The following VPS51 variants were observed in gnomAD, a reference collection of about 807,000 sequenced individuals.
VPS51 encodes the protein VPS51 subunit of GARP complex.
In VPS51, 55 loss-of-function variants were observed where a neutral mutation model predicts 65.1. That is an observed-to-expected ratio of 0.84 (90% CI 0.68 to 1.06). The LOEUF is 1.06. Among genes scored for constraint, VPS51 ranks in the 50% least tolerant of loss-of-function variants. The probability of loss-of-function intolerance (pLI) is 0.00; values close to 1 mark genes in which losing one functional copy is unlikely to be tolerated. For synonymous variants in VPS51, 473 were observed against 489.5 expected (o/e 0.97, Z 0.44); for missense variants, 943 against 1,101.6 (o/e 0.86, Z 2.04).
At position 65,108,205 on chromosome 11, in the gene VPS51, G is replaced by T. The variant is rs777904590; in HGVS notation, c.734G>T (p.Gly245Val). 6.2e-7 allele frequency: 1 copy of T among 1,600,186 alleles called. No homozygotes were observed. Among genetic ancestry groups the T allele is most frequent in the South Asian group, 1.1e-5 (1 of 89,812 alleles). Residue 245 changes from glycine (G) to valine (V), a missense_variant, in exon 5 of 10, where the codon GGC becomes GTC. By Grantham distance (109) the Gly-to-Val change is moderately radical. Transcript: ENST00000279281. ...ACCTCTCCCTCGTGCAGGGAGGGCG[G>T]CTCAGGCGCCCCGGAGCAGGCAGAG... Reference protein sequence around the residue: ...QQLRQRFREGGSGAPEQAECV... With the variant: ...QQLRQRFREGVSGAPEQAECV...
chr11:65,099,294 C>T (rs780428959), intron 2 of VPS51, among the ~76,000 whole-genome samples: 7 of 152,172 alleles, frequency 4.6e-5, no homozygotes, highest in African/African-American at 9.6e-5. Context: ...ATGGAGGCAT[C>T]GGCCTCAGCA....
In VPS51 at chr11:65,097,021, C is replaced by T; in HGVS notation, c.252C>T (p.Ala84=). The change falls in exon 2 of 10, where the codon GCC becomes GCT. Residue 84 remains alanine, a synonymous_variant. Coordinates refer to ENST00000279281, the MANE Select transcript of VPS51 (RefSeq NM_013265.4). The part of the protein sequence containing the change: ...LDKLRRECPL[A]QLMDSETDMV... ...AGCTGCGTAGAGAGTGCCCTCTGGCCCAGTTGATGGACAGTGAGACGGACA... is the reference window on the plus strand; with the variant it reads ...AGCTGCGTAGAGAGTGCCCTCTGGCTCAGTTGATGGACAGTGAGACGGACA... The T allele has an allele frequency of 1.2e-6, 2 of 1,613,854 alleles. No individual in the cohort carries two copies. Among genetic ancestry groups the T allele is most frequent in the East Asian group, 2.2e-5 (1 of 44,876 alleles).
In VPS51 at chr11:65,096,373, C is replaced by T. The variant is rs1235296140; in HGVS notation, c.123C>T (p.Tyr41=). Residue 41 remains tyrosine (Y), a synonymous_variant, in exon 1 of 10, where the codon TAC becomes TAT. Coordinates refer to ENST00000279281, the MANE Select transcript of VPS51 (RefSeq NM_013265.4). ...CGCACGGGATGCTGAAGCTTTACTA[C>T]GGCCTCTCGGAAGGGGAGGCGGCGG... The part of the protein sequence containing the change: ...RKAHGMLKLY[Y]GLSEGEAAGR... 1 of 1,533,352 alleles carries T rather than the reference C, an allele frequency of 6.5e-7. No individual in the cohort carries two copies. Among genetic ancestry groups the T allele is most frequent in the Non-Finnish European group, 8.7e-7 (1 of 1,147,828 alleles). 95.0% of individuals were successfully genotyped at this position (1,533,352 alleles called of 1,614,324 possible). A position where few individuals can be genotyped will look rare whatever the true frequency, so the allele number is the denominator to read the frequency against.
chr11:65,111,836 G>C lies in VPS51; in HGVS notation c.*249G>C. On this transcript the variant is annotated 3_prime_UTR_variant, in exon 10 of 10. Transcript: ENST00000279281. ...CTGGGCCCAGCATGGGCAGGGGGCG[G>C]TTCCACTTAAAAACCCTGGGACGAG... is the stretch of plus-strand genomic sequence containing the variant. 1.1e-6 allele frequency: 1 copy of C among 945,904 alleles called. No homozygotes were observed. The highest frequency in any genetic ancestry group is 1.6e-6 in the Non-Finnish European group (1 of 637,596). The allele number at this position is 945,904 out of a possible 1,614,324, so 58.6% of individuals were successfully genotyped here.
intron 2 of VPS51, among the ~76,000 whole-genome samples, chr11:65,101,762 CAAAAAAAAA>C (rs1165429983): frequency 0.054 from 1,430 of 26,296 alleles, 32 homozygotes; most frequent in African/African-American, 0.13. Flanking sequence ...GACCTTGTCT[CAAAAAAAAA>C]AAAAAAAAAA....
intron 1 of VPS51, chr11:65,096,696 T>G (rs1947772541): frequency 1.6e-6 from 1 of 624,632 alleles, no homozygotes. Flanking sequence ...GCATCTGAGG[T>G]CTTCTGGGCT....
chr11:65,109,058 C>A, intron 5 of VPS51, 144 bp downstream of exon 5: 2 of 1,121,656 alleles, frequency 1.8e-6, no homozygotes, highest in Non-Finnish European at 2.6e-6. Flanking sequence ...GTGGGGAAGG[C>A]TCAGGGCATC....
Position 65,111,485 on chromosome 11 carries a change from G to A in VPS51, c.2247G>A (p.Val749=). ...GTTTTGTGGCCGACGAAGAACTCGT[G>A]CACTTGCTGCTGGACGAAGTGGTGG... ...LWRFVADEEL[V]HLLLDEVVAS... The change falls in exon 10 of 10, where the codon GTG becomes GTA. Residue 749 remains valine (V), a synonymous_variant. Coordinates refer to ENST00000279281, the MANE Select transcript of VPS51 (RefSeq NM_013265.4). 6.2e-7 allele frequency: 1 copy of A among 1,613,934 alleles called. No individual in the cohort carries two copies. Among genetic ancestry groups the A allele is most frequent in the Non-Finnish European group, 8.5e-7 (1 of 1,180,046 alleles).
In VPS51 at chr11:65,109,934, G is replaced by C; in HGVS notation, c.1878+11G>C. 1 of 1,581,780 alleles carries C rather than the reference G, an allele frequency of 6.3e-7. No individual in the cohort carries two copies. The highest frequency in any genetic ancestry group is 8.6e-7 in the Non-Finnish European group (1 of 1,168,302). ...GCCATCGACGTGCAGGTGCTGCCCAGGCTGGCCGGGGTAGCCCTGACGCAG... is the reference window on the plus strand; with the variant it reads ...GCCATCGACGTGCAGGTGCTGCCCACGCTGGCCGGGGTAGCCCTGACGCAG... On this transcript the variant is annotated intron_variant, in intron 7 of 9. Transcript: ENST00000279281.
In VPS51 at chr11:65,108,292, C is replaced by A; in HGVS notation, c.821C>A (p.Ala274Glu). The change falls in exon 5 of 10, where the codon GCG (alanine) becomes GAG (glutamate). Residue 274 changes from alanine (A) to glutamate (E), a missense_variant. Ala to Glu is a moderately radical substitution (Grantham distance 107). Transcript: ENST00000279281. ...PAEELCEEFL[A>E]HARGRLEKEL... ...GAGGAGCTGTGCGAGGAGTTCCTGG[C>A]GCACGCCCGCGGCCGGCTGGAGAAG... The A allele has an allele frequency of 6.2e-7, 1 of 1,602,226 alleles. No individual in the cohort carries two copies. Among genetic ancestry groups the A allele is most frequent in the Non-Finnish European group, 8.5e-7 (1 of 1,175,334 alleles).
Sources: allele counts gnomAD v4.1 joint callset (sites outside exome capture counted in the v4.1 genomes callset), GRCh38; gene constraint gnomAD v4.1.1; transcripts MANE v1.5; gene names NCBI Gene and HGNC (gene_info 2026-07-23, HGNC 2026-07-21).